ELOVL6: variants seen among roughly 807,000 people sequenced by gnomAD.
ELOVL6 encodes very long chain fatty acid elongase 6.
In ELOVL6, 8 loss-of-function variants were observed where a neutral mutation model predicts 31.7. That is an observed-to-expected ratio of 0.25 (90% CI 0.15 to 0.45). ELOVL6 has a LOEUF of 0.45. Ranked by LOEUF, ELOVL6 falls within the 20% of genes least tolerant of loss-of-function variation. ELOVL6 has a pLI of 1.00. For missense variants in ELOVL6, 126 were observed against 326.4 expected (o/e 0.39, Z 4.73); for synonymous variants, 101 against 117.7 (o/e 0.86, Z 0.92).
chr4:110,121,693 T>C (rs143183674), intron 1 of ELOVL6, among the ~76,000 whole-genome samples: 78 of 152,142 alleles, frequency 5.1e-4, no homozygotes, highest in African/African-American at 1.8e-3. Flanking sequence ...ATCGAGACTC[T>C]GTCTCAAAAA....
rs977806204 is a variant in ELOVL6 at position 110,119,434 on chromosome 4, C to T, written c.90-13806G>A. 2.6e-5 allele frequency among the ~76,000 whole-genome samples: 4 copies of T among 152,222 alleles called. No individual in the cohort carries two copies. The South Asian group carries it at 8.3e-4, about 32-fold the overall frequency. On this transcript the variant is annotated intron_variant, in intron 1 of 3. Transcript: ENST00000302274. ...ATTAGCTACTCACAGGCCTTTGCTC[C>T]CCTAATTAACATGTTGCAAGGCACT...
At chr4:110,142,371 C>A (rs1757990631) in intron 1 of ELOVL6, among the ~76,000 whole-genome samples, 1 of 152,066 alleles carries the variant, frequency 6.6e-6, no homozygotes, top group African/African-American at 2.4e-5. Context: ...TAGTAACGTC[C>A]AAGGATTAAA....
At chr4:110,082,741 T>G (rs536098519) in intron 2 of ELOVL6, among the ~76,000 whole-genome samples, 4 of 152,144 alleles carry the variant, frequency 2.6e-5, no homozygotes, top group Non-Finnish European at 5.9e-5. Context: ...ACTCAAAGTA[T>G]AATAAAAAAA....
chr4:110,149,005 C>T lies in ELOVL6; in HGVS notation c.90-43377G>A, dbSNP rs573441944. Among the ~76,000 whole-genome samples, 8 of 152,248 alleles carry T rather than the reference C, an allele frequency of 5.3e-5. No individual in the cohort carries two copies. In the East Asian group the frequency reaches 1.5e-3, roughly 29 times the overall value. On this transcript the variant is annotated intron_variant, in intron 1 of 3. Transcript: ENST00000302274. ...CCTCCCAAGTAGCTGGGATTACAGG[C>T]ACAAGCCACTATGCCCAGCTAATTT...
intron 1 of ELOVL6, among the ~76,000 whole-genome samples, chr4:110,157,905 G>C (rs931438912): frequency 3.3e-5 from 5 of 152,146 alleles, no homozygotes. Context: ...TGAAGAAGTG[G>C]ACCAGCACTT....
At chr4:110,170,395 A>G (rs944883038) in intron 1 of ELOVL6, among the ~76,000 whole-genome samples, 1 of 152,204 alleles carries the variant, frequency 6.6e-6, no homozygotes, top group Non-Finnish European at 1.5e-5. Flanking sequence ...TATTTAGCAT[A>G]CTCGCTAAAA....
intron 2 of ELOVL6, among the ~76,000 whole-genome samples, chr4:110,083,997 C>CAT (rs1313265234): frequency 7.0e-5 from 3 of 42,794 alleles, no homozygotes; most frequent in Admixed American, 2.2e-4. Flanking sequence ...CGATATATAA[C>CAT]ATATGCCATA....
chr4:110,194,077 G>A (rs919897018), intron 1 of ELOVL6, among the ~76,000 whole-genome samples: 1 of 152,202 alleles, frequency 6.6e-6, no homozygotes, highest in Non-Finnish European at 1.5e-5. Context: ...TGAAAGAGAA[G>A]GCAGAGAGAG....
intron 1 of ELOVL6, among the ~76,000 whole-genome samples, chr4:110,125,002 A>G (rs1211732436): frequency 6.6e-6 from 1 of 152,244 alleles, no homozygotes; most frequent in Non-Finnish European, 1.5e-5. Flanking sequence ...ATGTTTCTCT[A>G]AATGAACATA....
intron 1 of ELOVL6, among the ~76,000 whole-genome samples, chr4:110,128,164 A>T (rs770739682): frequency 6.6e-6 from 1 of 152,204 alleles, no homozygotes; most frequent in Non-Finnish European, 1.5e-5. Flanking sequence ...TAAGCCTGGC[A>T]AAGAAAGTGA....
chr4:110,067,001 T>C (rs566922256), intron 2 of ELOVL6, among the ~76,000 whole-genome samples: 5 of 152,168 alleles, frequency 3.3e-5, no homozygotes, highest in South Asian at 2.1e-4. Context: ...GCATCTTTAA[T>C]AGACAATGTC....
At chr4:110,169,970 A>G (rs1758896176) in intron 1 of ELOVL6, among the ~76,000 whole-genome samples, 2 of 150,974 alleles carry the variant, frequency 1.3e-5, no homozygotes, top group South Asian at 4.2e-4. Flanking sequence ...ACACCTGGCT[A>G]ATTTTTGTAT....
chr4:110,083,242 A>G (rs1755936576), intron 2 of ELOVL6, among the ~76,000 whole-genome samples: 1 of 151,786 alleles, frequency 6.6e-6, no homozygotes, highest in South Asian at 2.1e-4. Context: ...CCACAGGATA[A>G]CAAAACCAGG....
intron 1 of ELOVL6, among the ~76,000 whole-genome samples, chr4:110,176,372 G>A (rs1759105716): frequency 6.6e-6 from 1 of 152,080 alleles, no homozygotes; most frequent in Non-Finnish European, 1.5e-5. Context: ...CATGTTGGCA[G>A]GCTGGTTTCA....
intron 1 of ELOVL6, among the ~76,000 whole-genome samples, chr4:110,123,301 A>C (rs1277462541): frequency 6.6e-6 from 1 of 152,174 alleles, no homozygotes; most frequent in Middle Eastern, 3.2e-3. Context: ...CCTTAGTAGC[A>C]GAAAGAATAC....
rs1282169982 is a variant in ELOVL6, at chr4:110,084,236, CAT to C, written c.221+21259_221+21260del. Among the ~76,000 whole-genome samples the C allele has an allele frequency of 1.2e-3, 123 of 102,866 alleles. 2 individuals are homozygous for C. The highest frequency in any genetic ancestry group is 5.2e-3 in the African/African-American group (97 of 18,740). 67.5% of individuals were successfully genotyped at this position (102,866 alleles called of 152,430 possible). A position where few individuals can be genotyped will look rare whatever the true frequency, so the allele number is the denominator to read the frequency against. On this transcript the variant is annotated intron_variant, in intron 2 of 3. Coordinates refer to ENST00000302274, the MANE Select transcript of ELOVL6 (RefSeq NM_024090.3). ...CATATAACTTATATGATATATATAA[CAT>C]ATATGATATATATAACATATAGCTT... is the stretch of plus-strand genomic sequence containing the variant.
At chr4:110,084,016 A>G (rs1417667781) in intron 2 of ELOVL6, among the ~76,000 whole-genome samples, 3 of 59,578 alleles carry the variant, frequency 5.0e-5, no homozygotes, top group Admixed American at 5.0e-4. Context: ...TATATGGTAT[A>G]TAACATATGC....
intron 2 of ELOVL6, among the ~76,000 whole-genome samples, chr4:110,063,468 A>T (rs1229519469): frequency 1.3e-5 from 2 of 151,778 alleles, no homozygotes; most frequent in Non-Finnish European, 2.9e-5. Flanking sequence ...CCTGATCCTG[A>T]CTCTCATCTC....
chr4:110,112,717 A>T (rs1465131791), intron 1 of ELOVL6, among the ~76,000 whole-genome samples: 1 of 151,966 alleles, frequency 6.6e-6, no homozygotes, highest in Non-Finnish European at 1.5e-5. Flanking sequence ...TACTAAAAAA[A>T]CAAAAACTTA....
Sources: allele counts gnomAD v4.1 joint callset (sites outside exome capture counted in the v4.1 genomes callset), GRCh38; gene constraint gnomAD v4.1.1; transcripts MANE v1.5; gene names NCBI Gene and HGNC (gene_info 2026-07-23, HGNC 2026-07-21).